The following DOCK8 variants were observed in gnomAD, a reference collection of about 807,000 sequenced individuals.
DOCK8 encodes dedicator of cytokinesis protein 8.
A neutral mutation model predicts 245.6 loss-of-function variants in DOCK8; 141 were observed. That is an observed-to-expected ratio of 0.57 (90% confidence interval 0.50 to 0.66). DOCK8 has a LOEUF of 0.66. DOCK8 is among the 30% of genes least tolerant of loss of function. The pLI is 0.00. For missense variants in DOCK8, 2,965 were observed against 2,603.4 expected (o/e 1.14, Z -3.02); for synonymous variants, 1,168 against 970.2 (o/e 1.20, Z -3.79).
chr9:240,480 C>G (rs2047352308), intron 1 of DOCK8, among the ~76,000 whole-genome samples: 1 of 151,868 alleles, frequency 6.6e-6, no homozygotes, highest in Non-Finnish European at 1.5e-5. Flanking sequence ...AACAGGTAAA[C>G]TAGCCCTCTG....
Position 420,403 on chromosome 9 carries a change from C to G in DOCK8, c.3843C>G (p.Pro1281=). 1 of 1,614,150 alleles carries G rather than the reference C, an allele frequency of 6.2e-7. No homozygotes were observed. The highest frequency in any genetic ancestry group is 2.2e-5 in the East Asian group (1 of 44,886). Residue 1281 remains proline (P), a splice_region_variant and synonymous_variant, in exon 31 of 48, where the codon CCC becomes CCG. Transcript: ENST00000432829. ...KTSGIVLSSL[P]YKQYNMLNAD... ...TCCCCCAATCTGCCTCCCTTCAGCC[C>G]TATAAGCAGTACAACATGCTGAACG... is the stretch of plus-strand genomic sequence containing the variant.
chr9:461,123 GA>G (rs763918623), intron 46 of DOCK8, among the ~76,000 whole-genome samples: 3 of 152,176 alleles, frequency 2.0e-5, no homozygotes, highest in Admixed American at 6.5e-5. Flanking sequence ...AGGAGACAGG[GA>G]AAACACCAGG....
chr9:261,687 G>A (rs542827851), intron 1 of DOCK8, among the ~76,000 whole-genome samples: 46 of 152,232 alleles, frequency 3.0e-4, no homozygotes, highest in African/African-American at 1.1e-3. Flanking sequence ...TAGAACAGAA[G>A]TATGTTTGAA....
intron 43 of DOCK8, among the ~76,000 whole-genome samples, chr9:446,016 T>C (rs761346173): frequency 5.9e-5 from 9 of 152,242 alleles, no homozygotes; most frequent in South Asian, 2.1e-4. Flanking sequence ...TCCTCATAAC[T>C]GTGAGGTAGT....
At chr9:309,424 G>T (rs2049999257) in intron 5 of DOCK8, among the ~76,000 whole-genome samples, 1 of 152,070 alleles carries the variant, frequency 6.6e-6, no homozygotes, top group African/African-American at 2.4e-5. Context: ...TGTCCATTTA[G>T]TAGAATTTTG....
Position 336,621 on chromosome 9 carries a change from C to G in DOCK8, c.1325C>G (p.Ser442Cys), listed in dbSNP as rs745498345. The G allele has an allele frequency of 1.2e-6, 2 of 1,614,170 alleles. No individual in the cohort carries two copies. Among genetic ancestry groups the G allele is most frequent in the Admixed American group, 1.7e-5 (1 of 60,026 alleles). ...GGTGAACGGAGGACATTGGCCCAAT[C>G]TAGAAGGCTTTCTGAAAGAGCCCTC... ...SVGERRTLAQSRRLSERALSL... is the reference protein window; with the variant it reads ...SVGERRTLAQCRRLSERALSL... Residue 442 changes from serine to cysteine, a missense_variant, in exon 12 of 48, where the codon TCT becomes TGT. Transcript: ENST00000432829.
At chr9:421,161 G>T in intron 32 of DOCK8, 83 bp downstream of exon 32, 1 of 1,557,344 alleles carries the variant, frequency 6.4e-7, no homozygotes, top group South Asian at 1.1e-5. Flanking sequence ...AACATGATTA[G>T]ACACCATTAC....
intron 14 of DOCK8, among the ~76,000 whole-genome samples, chr9:351,468 G>A (rs1034821320): frequency 4.6e-5 from 7 of 152,196 alleles, no homozygotes; most frequent in African/African-American, 1.2e-4. Context: ...ATGCCACAAA[G>A]CTGTGATTAC....
At chr9:422,839 G>T (rs865878620) in intron 33 of DOCK8, among the ~76,000 whole-genome samples, 5 of 152,252 alleles carry the variant, frequency 3.3e-5, no homozygotes, top group Admixed American at 1.3e-4. Context: ...AGAAAAATTA[G>T]CTGGGCATGA....
Position 403,978 on chromosome 9 carries a change from G to A in DOCK8, c.3235-940G>A, listed in dbSNP as rs867335948. ...TATATATGTATATATATATATATGT[G>A]TATATATATATATGTGTATATATAT... is the stretch of plus-strand genomic sequence containing the variant. On this transcript the variant is annotated intron_variant, in intron 26 of 47. Coordinates refer to ENST00000432829, the MANE Select transcript of DOCK8 (RefSeq NM_203447.4). Among the ~76,000 whole-genome samples the A allele has an allele frequency of 2.4e-3, 158 of 65,124 alleles. 6 individuals carry two copies. Among genetic ancestry groups the A allele is most frequent in the African/African-American group, 0.015 (147 of 9,614 alleles). 42.7% of individuals were successfully genotyped at this position (65,124 alleles called of 152,430 possible).
At chr9:298,232 C>A (rs2049351689) in intron 4 of DOCK8, among the ~76,000 whole-genome samples, 2 of 152,276 alleles carry the variant, frequency 1.3e-5, no homozygotes, top group Admixed American at 6.5e-5. Context: ...CGAGACCAGC[C>A]TGGCCAACAC....
At chr9:367,501 G>A (rs1006421905) in intron 14 of DOCK8, among the ~76,000 whole-genome samples, 6 of 146,596 alleles carry the variant, frequency 4.1e-5, no homozygotes, top group African/African-American at 1.7e-4. Context: ...TATTCTTATT[G>A]TTGTTGTCGT....
At chr9:387,432 G>C (rs1193418920) in intron 23 of DOCK8, among the ~76,000 whole-genome samples, 1 of 144,904 alleles carries the variant, frequency 6.9e-6, no homozygotes, top group Non-Finnish European at 1.5e-5. Context: ...GACAGAATGA[G>C]ACTCCATTTC....
rs145767317 is a variant in DOCK8 at position 272,956 on chromosome 9, G to T, written c.156+1227G>T. The T allele has an allele frequency of 3.7e-4, 290 of 792,074 alleles. 2 individuals carry two copies. In the African/African-American group the frequency reaches 5.2e-3, roughly 14 times the overall value. The allele number at this position is 792,074 out of a possible 1,614,324, so 49.1% of individuals were successfully genotyped here. ...TGCTGGTTCTGCTGCTTATCTTGAA[G>T]AGGTTAGGTTACTTTTTGTTTCTAC... On this transcript the variant is annotated intron_variant, in intron 2 of 47. Coordinates refer to ENST00000432829, the MANE Select transcript of DOCK8 (RefSeq NM_203447.4).
chr9:443,650 C>G, intron 43 of DOCK8, 134 bp downstream of exon 43: 1 of 692,554 alleles, frequency 1.4e-6, no homozygotes, highest in Non-Finnish European at 2.5e-6. Flanking sequence ...GTCTAGAGTT[C>G]AACTACTAAT....
At chr9:403,577 G>A (rs978289687) in intron 26 of DOCK8, among the ~76,000 whole-genome samples, 1 of 152,044 alleles carries the variant, frequency 6.6e-6, no homozygotes, top group Non-Finnish European at 1.5e-5. Flanking sequence ...CTGAAAATAT[G>A]TGTTCATTTA....
chr9:348,521 G>A (rs1240528685), intron 14 of DOCK8, among the ~76,000 whole-genome samples: 1 of 152,164 alleles, frequency 6.6e-6, no homozygotes, highest in Non-Finnish European at 1.5e-5. Context: ...ATAGAATTCA[G>A]CAGGAAGCTT....
At chr9:269,921 G>A (rs995622430) in intron 1 of DOCK8, among the ~76,000 whole-genome samples, 7 of 152,158 alleles carry the variant, frequency 4.6e-5, no homozygotes, top group African/African-American at 1.7e-4. Context: ...ATACATGGGA[G>A]CTCTGCTTAA....
chr9:292,597 AAATTTGTGC>A (rs2130406337), intron 4 of DOCK8, among the ~76,000 whole-genome samples: 1 of 151,088 alleles, frequency 6.6e-6, no homozygotes, highest in South Asian at 2.1e-4. Flanking sequence ...CTTATTCGTG[AAATTTGTGC>A]ATCCCTATTA....
Sources: gnomAD v4.1 joint callset for allele counts (sites outside exome capture counted in the v4.1 genomes callset) on GRCh38, gnomAD v4.1.1 for gene constraint, MANE v1.5 for transcripts, NCBI Gene and HGNC (gene_info 2026-07-23, HGNC 2026-07-21) for gene names.